The following MAPRE2 variants were observed in gnomAD, a reference collection of about 807,000 sequenced individuals.
MAPRE2 encodes microtubule associated protein RP/EB family member 2, also known as microtubule-associated protein RP/EB family member 2.
MAPRE2 carries 13 observed loss-of-function variants against 43.2 expected under a neutral mutation model. That is an observed-to-expected ratio of 0.30 (90% CI 0.20 to 0.48). The LOEUF is 0.48. Ranked by LOEUF, MAPRE2 falls within the 20% of genes least tolerant of loss-of-function variation. The pLI is 0.99. For synonymous variants in MAPRE2, 135 were observed against 148.8 expected, an observed-to-expected ratio of 0.91 and a Z score of 0.68; for missense variants, 161 against 400.2, an observed-to-expected ratio of 0.40 and a Z score of 5.10.
At chr18:35,046,530 A>G (rs1275618116) in intron 1 of MAPRE2, among the ~76,000 whole-genome samples, 1 of 152,248 alleles carries the variant, frequency 6.6e-6, no homozygotes, top group Non-Finnish European at 1.5e-5. Context: ...GTGGTAGAAA[A>G]TAAAAGCATT....
chr18:35,022,259 A>C (rs9954997), intron 2 of MAPRE2, among the ~76,000 whole-genome samples: 11,793 of 152,228 alleles, frequency 0.077, 1,043 homozygotes, highest in African/African-American at 0.22. Flanking sequence ...CAATTACAAG[A>C]AGTATAAGAA....
intron 1 of MAPRE2, among the ~76,000 whole-genome samples, chr18:35,054,610 G>A (rs1473402881): frequency 6.6e-6 from 1 of 152,170 alleles, no homozygotes; most frequent in Non-Finnish European, 1.5e-5. Context: ...GATGTGCCGT[G>A]AACGGAAGCC....
chr18:35,132,778 G>C (rs935178833), intron 6 of MAPRE2, among the ~76,000 whole-genome samples: 7 of 152,180 alleles, frequency 4.6e-5, no homozygotes, highest in African/African-American at 7.2e-5. Flanking sequence ...CCCAGGATGT[G>C]GCTGTGTCAG....
chr18:35,049,395 A>G (rs1404712595), intron 1 of MAPRE2, among the ~76,000 whole-genome samples: 1 of 152,206 alleles, frequency 6.6e-6, no homozygotes. Flanking sequence ...GTCATTTTTA[A>G]AATCCCCACT....
intron 2 of MAPRE2, among the ~76,000 whole-genome samples, chr18:35,011,567 C>T (rs2097034687): frequency 1.3e-5 from 2 of 152,004 alleles, no homozygotes; most frequent in Admixed American, 1.3e-4. Context: ...GGTAAAACTA[C>T]CTGTTTTATA....
chr18:35,112,596 C>G (rs914352710), intron 4 of MAPRE2, among the ~76,000 whole-genome samples: 1 of 152,170 alleles, frequency 6.6e-6, no homozygotes, highest in Admixed American at 6.5e-5. Flanking sequence ...TTAGCTACAT[C>G]AAGACTTGGA....
At chr18:35,005,670 C>A in intron 2 of MAPRE2, 1 of 531,434 alleles carries the variant, frequency 1.9e-6, no homozygotes. Context: ...CAATTAAAGC[C>A]GATATTTGAG....
At chr18:35,086,549 T>C (rs114577179) in intron 2 of MAPRE2, among the ~76,000 whole-genome samples, 4,914 of 152,098 alleles carry the variant, frequency 0.032, 122 homozygotes, top group African/African-American at 0.065. Context: ...TTATATTTCC[T>C]TTTAGAATTA....
chr18:35,008,293 A>G (rs564052807), intron 2 of MAPRE2, among the ~76,000 whole-genome samples: 2 of 152,300 alleles, frequency 1.3e-5, no homozygotes, highest in African/African-American at 4.8e-5. Flanking sequence ...TCTTTGGGAA[A>G]TATAATCAGT....
At chr18:35,095,078 C>T (rs1908339676) in intron 2 of MAPRE2, among the ~76,000 whole-genome samples, 1 of 152,096 alleles carries the variant, frequency 6.6e-6, no homozygotes, top group Admixed American at 6.6e-5. Flanking sequence ...AAAATTAGAA[C>T]CATACTTTAT....
chr18:35,100,136 G>C (rs567045749), intron 3 of MAPRE2, among the ~76,000 whole-genome samples: 2 of 152,194 alleles, frequency 1.3e-5, no homozygotes, highest in East Asian at 3.9e-4. Flanking sequence ...CACACAATCT[G>C]ACTCACACTC....
intron 1 of MAPRE2, among the ~76,000 whole-genome samples, chr18:34,982,278 T>C (rs919273277): frequency 6.6e-6 from 1 of 152,138 alleles, no homozygotes; most frequent in African/African-American, 2.4e-5. Flanking sequence ...AATAATAAGT[T>C]CTTCAAGTCT....
intron 1 of MAPRE2, among the ~76,000 whole-genome samples, chr18:34,993,255 C>CT (rs760356794): frequency 0.015 from 1,890 of 130,060 alleles, 32 homozygotes; most frequent in African/African-American, 0.039. Flanking sequence ...CCATTCCCGC[C>CT]TTTTTTTTTT....
chr18:35,072,826 C>T (rs1033066879), intron 2 of MAPRE2, among the ~76,000 whole-genome samples: 37 of 151,994 alleles, frequency 2.4e-4, no homozygotes, highest in African/African-American at 8.9e-4. Flanking sequence ...AACAGATACA[C>T]ATAATTACCA....
At chr18:34,984,918 T>TAA (rs2097018409) in intron 1 of MAPRE2, among the ~76,000 whole-genome samples, 1 of 8,464 alleles carries the variant, frequency 1.2e-4, no homozygotes, top group African/African-American at 2.6e-4. Context: ...ATATAATATA[T>TAA]AATATATTTT....
chr18:35,052,404 A>G (rs758134193), intron 1 of MAPRE2, among the ~76,000 whole-genome samples: 8 of 151,828 alleles, frequency 5.3e-5, no homozygotes, highest in Non-Finnish European at 1.0e-4. Flanking sequence ...GTAGTTCATC[A>G]CTCTTTATTG....
chr18:35,085,682 T>C (rs1907842373), intron 2 of MAPRE2, among the ~76,000 whole-genome samples: 2 of 152,218 alleles, frequency 1.3e-5, no homozygotes, highest in African/African-American at 2.4e-5. Flanking sequence ...CATCATTGTC[T>C]CCTAATTAGC....
Position 35,132,058 on chromosome 18 carries a change from A to G in MAPRE2, c.777A>G (p.Glu259=). The part of the protein sequence containing the change: ...EQVHSLKLAL[E]GVEKERDFYF... ...TACATTCATTAAAACTTGCCCTTGA[A>G]GGCGTGGAAAAGGAAAGGGATTTCT... The change falls in exon 6 of 7, where the codon GAA becomes GAG. Residue 259 remains glutamate (E), a synonymous_variant. Coordinates refer to ENST00000300249, the MANE Select transcript of MAPRE2 (RefSeq NM_014268.4). 6.2e-7 allele frequency: 1 copy of G among 1,614,144 alleles called. No homozygotes were observed. Among genetic ancestry groups the G allele is most frequent in the Non-Finnish European group, 8.5e-7 (1 of 1,180,024 alleles).
intron 2 of MAPRE2, among the ~76,000 whole-genome samples, chr18:35,024,575 C>A (rs925569831): frequency 1.3e-5 from 2 of 152,140 alleles, no homozygotes; most frequent in Non-Finnish European, 2.9e-5. Flanking sequence ...AAATTTACTA[C>A]GAGTATCTGC....
Sources: allele counts gnomAD v4.1 joint callset (sites outside exome capture counted in the v4.1 genomes callset), GRCh38; gene constraint gnomAD v4.1.1; transcripts MANE v1.5; gene names NCBI Gene and HGNC (gene_info 2026-07-23, HGNC 2026-07-21).